BEND5: variants seen among roughly 807,000 people sequenced by gnomAD.
BEND5 encodes the protein BEN domain-containing protein 5.
In BEND5, 22 loss-of-function variants were observed where a neutral mutation model predicts 43.9. The observed-to-expected ratio is 0.50, with a 90% CI of 0.36 to 0.72. The LOEUF (loss-of-function observed/expected upper bound fraction) is 0.72, where lower values mean the gene tolerates loss of function less well. Among genes scored for constraint, BEND5 ranks in the 30% least tolerant of loss-of-function variants. BEND5 has a pLI of 0.00. For missense variants in BEND5, 428 were observed against 550.6 expected, an observed-to-expected ratio of 0.78 and a Z score of 2.23; for synonymous variants, 228 against 225.9, an observed-to-expected ratio of 1.01 and a Z score of -0.08.
At chr1:48,733,647 T>C (rs1648523565) in intron 5 of BEND5, among the ~76,000 whole-genome samples, 1 of 152,198 alleles carries the variant, frequency 6.6e-6, no homozygotes. Context: ...TGAGGTGTAT[T>C]CTTCTACATT....
intron 3 of BEND5, among the ~76,000 whole-genome samples, chr1:48,746,050 T>C (rs551497103): frequency 6.6e-6 from 1 of 152,318 alleles, no homozygotes; most frequent in Non-Finnish European, 1.5e-5. Context: ...TGATTCACAT[T>C]CTATCCTCAA....
At chr1:48,730,639 T>A (rs1647958381) in intron 5 of BEND5, among the ~76,000 whole-genome samples, 1 of 152,158 alleles carries the variant, frequency 6.6e-6, no homozygotes, top group South Asian at 2.1e-4. Flanking sequence ...TCATTCTCAT[T>A]TCCTGTGGGT....
At chr1:48,737,759 T>C (rs913131573) in intron 4 of BEND5, among the ~76,000 whole-genome samples, 9 of 152,126 alleles carry the variant, frequency 5.9e-5, no homozygotes, top group African/African-American at 2.2e-4. Context: ...AAAATTTAGA[T>C]CTCACAAGTC....
intron 3 of BEND5, among the ~76,000 whole-genome samples, chr1:48,755,032 C>G (rs765564957): frequency 2.6e-5 from 4 of 152,172 alleles, no homozygotes; most frequent in Non-Finnish European, 4.4e-5. Flanking sequence ...CCTGTTAAAT[C>G]CATCTTTTCT....
At chr1:48,773,107 C>A (rs1235887213) in intron 1 of BEND5, among the ~76,000 whole-genome samples, 1 of 152,034 alleles carries the variant, frequency 6.6e-6, no homozygotes, top group Non-Finnish European at 1.5e-5. Context: ...CAGCACTGGG[C>A]CTGGCATACA....
At chr1:48,740,897 C>A (rs548885216) in intron 4 of BEND5, among the ~76,000 whole-genome samples, 37 of 152,232 alleles carry the variant, frequency 2.4e-4, no homozygotes, top group Admixed American at 2.2e-3. Context: ...GCCTGACTAC[C>A]AATTAGGTGC....
intron 3 of BEND5, among the ~76,000 whole-genome samples, chr1:48,750,473 T>C (rs1415228588): frequency 6.6e-6 from 1 of 152,068 alleles, no homozygotes; most frequent in East Asian, 1.9e-4. Context: ...CCCACAACTC[T>C]CCTACCCCAG....
At chr1:48,762,140 C>T (rs1240627387) in intron 1 of BEND5, among the ~76,000 whole-genome samples, 1 of 152,220 alleles carries the variant, frequency 6.6e-6, no homozygotes, top group Non-Finnish European at 1.5e-5. Flanking sequence ...ATGGAAGAGG[C>T]TTGCCCACGG....
At position 48,736,109 on chromosome 1, in the gene BEND5, C is replaced by T; in HGVS notation, c.1108+130G>A. ...GGCATTTGGGTTATCCGCTTGGTGT[C>T]CCCGGGCTCAGCCCAGGGTCTGGCA... On this transcript the variant is annotated intron_variant, in intron 5 of 5. Coordinates refer to ENST00000371833, the MANE Select transcript of BEND5 (RefSeq NM_024603.4). This position sits in a 1 kb window ranked among gnomAD's most constrained non-coding sequence, Gnocchi z 4.0. 9.7e-7 allele frequency: 1 copy of T among 1,028,708 alleles called. No homozygotes were observed. The highest frequency in any genetic ancestry group is 1.5e-6 in the Non-Finnish European group (1 of 684,828). 63.7% of individuals were successfully genotyped at this position (1,028,708 alleles called of 1,614,324 possible).
chr1:48,761,574 A>G, intron 1 of BEND5, 104 bp from the exon 2 acceptor site: 2 of 1,229,124 alleles, frequency 1.6e-6, no homozygotes, highest in Non-Finnish European at 2.2e-6. Context: ...TTGAGGCCAG[A>G]CCAGTTAAAA....
In BEND5 at chr1:48,738,368, C is replaced by T. The variant is rs182636590; in HGVS notation, c.895-1916G>A. ...ACTTCAGTACTGCAAATCTGTTCAT[C>T]CGCTCAGGAAAGATAAGCAGCCTTG... On this transcript the variant is annotated intron_variant, in intron 4 of 5. Coordinates refer to ENST00000371833, the MANE Select transcript of BEND5 (RefSeq NM_024603.4). Among the ~76,000 whole-genome samples, 16 of 152,332 alleles carry T rather than the reference C, an allele frequency of 1.1e-4. No homozygotes were observed. In the East Asian group the frequency reaches 2.9e-3, roughly 28 times the overall value.
rs1394512289 is a variant in BEND5, at chr1:48,736,747, G to A, written c.895-295C>T. ...GGAAACACCGGTTCAGACAGGTGAG[G>A]TGACTTGCTGAACATCATTCAACTA... is the stretch of plus-strand genomic sequence containing the variant. On this transcript the variant is annotated intron_variant, in intron 4 of 5. Transcript: ENST00000371833. This position sits in a 1 kb window ranked among gnomAD's most constrained non-coding sequence, Gnocchi z 4.0. Among the ~76,000 whole-genome samples, 2 of 152,182 alleles carry A rather than the reference G, an allele frequency of 1.3e-5. No homozygotes were observed. The highest frequency in any genetic ancestry group is 2.9e-5 in the Non-Finnish European group (2 of 68,036).
intron 5 of BEND5, among the ~76,000 whole-genome samples, chr1:48,733,864 A>G (rs2148565853): frequency 6.6e-6 from 1 of 152,294 alleles, no homozygotes; most frequent in African/African-American, 2.4e-5. Flanking sequence ...GCCAGACACT[A>G]TGTTTGGAAA....
intron 1 of BEND5, among the ~76,000 whole-genome samples, chr1:48,767,560 A>G (rs1201170737): frequency 6.6e-6 from 1 of 152,200 alleles, no homozygotes; most frequent in Non-Finnish European, 1.5e-5. Flanking sequence ...ATGAAGGTGA[A>G]TGGTGGTGTG....
intron 4 of BEND5, among the ~76,000 whole-genome samples, chr1:48,737,239 G>A (rs922345141): frequency 3.3e-5 from 5 of 152,074 alleles, no homozygotes; most frequent in East Asian, 1.9e-4. Flanking sequence ...AGCCGAGATC[G>A]TGCCACTGCA....
At chr1:48,729,134 T>C (rs559655987) in intron 5 of BEND5, among the ~76,000 whole-genome samples, 2 of 152,286 alleles carry the variant, frequency 1.3e-5, no homozygotes, top group South Asian at 4.1e-4. Flanking sequence ...CCATGAGGCA[T>C]GTGGGATAAA....
rs571528203 is a variant in BEND5, at chr1:48,729,832, T to C, written c.1109-1789A>G. On this transcript the variant is annotated intron_variant, in intron 5 of 5. Coordinates refer to ENST00000371833, the MANE Select transcript of BEND5 (RefSeq NM_024603.4). The stretch of plus-strand genomic sequence containing the variant: ...CTTTTAATTGACCTCGACCAGTCAC[T>C]TCCTGACTATTCCCAAGCCTGACTA... Among the ~76,000 whole-genome samples the C allele has an allele frequency of 1.6e-4, 25 of 152,106 alleles. No individual in the cohort carries two copies. The South Asian group carries it at 4.8e-3, about 29-fold the overall frequency.
intron 1 of BEND5, among the ~76,000 whole-genome samples, chr1:48,770,132 T>C (rs1474664968): frequency 3.3e-5 from 5 of 152,312 alleles, no homozygotes; most frequent in East Asian, 3.9e-4. Flanking sequence ...GTGAATTCCA[T>C]TCTCTGACCC....
chr1:48,749,267 C>T (rs1221531830), intron 3 of BEND5, among the ~76,000 whole-genome samples: 2 of 152,176 alleles, frequency 1.3e-5, no homozygotes, highest in Non-Finnish European at 2.9e-5. Flanking sequence ...TTTCAGCCCA[C>T]TGTCACGTGA....
Sources: gnomAD v4.1 joint callset for allele counts (sites outside exome capture counted in the v4.1 genomes callset) on GRCh38, gnomAD v4.1.1 for gene constraint, Gnocchi (gnomAD v3.1) non-coding constraint, MANE v1.5 for transcripts, NCBI Gene and HGNC (gene_info 2026-07-23, HGNC 2026-07-21) for gene names.